Variants in RBPMS observed in about 807,000 individuals in gnomAD.
RBPMS encodes the protein RNA binding protein, mRNA processing factor.
A neutral mutation model predicts 26.8 loss-of-function variants in RBPMS; 7 were observed. The observed-to-expected ratio is 0.26, with a 90% CI of 0.15 to 0.49. RBPMS has a LOEUF of 0.49. Among genes scored for constraint, RBPMS ranks in the 20% least tolerant of loss-of-function variants. The pLI is 0.98. For synonymous variants in RBPMS, 96 were observed against 93.3 expected (o/e 1.03, Z -0.17); for missense variants, 186 against 250.0 (o/e 0.74, Z 1.73).
intron 4 of RBPMS, among the ~76,000 whole-genome samples, chr8:30,493,127 C>T (rs1031782275): frequency 3.9e-5 from 6 of 152,106 alleles, no homozygotes; most frequent in African/African-American, 9.7e-5. Context: ...TGACAGTGAC[C>T]GACATCAGAC....
At chr8:30,555,562 GGGA>G (rs1388986547) in intron 6 of RBPMS, among the ~76,000 whole-genome samples, 1 of 152,212 alleles carries the variant, frequency 6.6e-6, no homozygotes, top group Non-Finnish European at 1.5e-5. Flanking sequence ...AGAGAACTAT[GGGA>G]GAAGAGAGAG....
chr8:30,522,513 A>G (rs1235283497), intron 5 of RBPMS, among the ~76,000 whole-genome samples: 1 of 152,216 alleles, frequency 6.6e-6, no homozygotes, highest in Non-Finnish European at 1.5e-5. Context: ...TTCTCAAAAC[A>G]CAGACACACA....
At chr8:30,510,084 C>T (rs17628307) in intron 5 of RBPMS, among the ~76,000 whole-genome samples, 37,157 of 152,036 alleles carry the variant, frequency 0.24, 4,880 homozygotes, top group East Asian at 0.4. Flanking sequence ...TCAGTAGGGC[C>T]GAAAATAATA....
intron 5 of RBPMS, among the ~76,000 whole-genome samples, chr8:30,522,614 T>C (rs1823175850): frequency 6.6e-6 from 1 of 152,200 alleles, no homozygotes; most frequent in South Asian, 2.1e-4. Flanking sequence ...TTAAAAAGGA[T>C]AGGAGGAAAC....
At chr8:30,459,986 A>G (rs1315681312) in intron 1 of RBPMS, among the ~76,000 whole-genome samples, 1 of 152,206 alleles carries the variant, frequency 6.6e-6, no homozygotes, top group Non-Finnish European at 1.5e-5. Flanking sequence ...GTCTCTTTAC[A>G]TAGTTACACA....
At chr8:30,428,460 A>T (rs1227770462) in intron 1 of RBPMS, among the ~76,000 whole-genome samples, 1 of 152,166 alleles carries the variant, frequency 6.6e-6, no homozygotes, top group Non-Finnish European at 1.5e-5. Flanking sequence ...TGTCTCAAAA[A>T]AAAAAATCAG....
chr8:30,448,736 C>G (rs893525540), intron 1 of RBPMS, among the ~76,000 whole-genome samples: 1 of 152,146 alleles, frequency 6.6e-6, no homozygotes, highest in Non-Finnish European at 1.5e-5. Context: ...TTATTTTGAA[C>G]TTCAGTTTCC....
At chr8:30,419,172 G>T (rs1052074772) in intron 1 of RBPMS, among the ~76,000 whole-genome samples, 4 of 151,958 alleles carry the variant, frequency 2.6e-5, no homozygotes, top group Non-Finnish European at 5.9e-5. Flanking sequence ...ATGGCTGGGC[G>T]CAATGGCTCA....
chr8:30,539,636 T>C (rs1290282337), intron 5 of RBPMS, among the ~76,000 whole-genome samples: 1 of 151,782 alleles, frequency 6.6e-6, no homozygotes, highest in Non-Finnish European at 1.5e-5. Flanking sequence ...ATCTTTTCTT[T>C]TTTTTTTGAG....
chr8:30,434,524 A>G (rs1431395814), intron 1 of RBPMS, among the ~76,000 whole-genome samples: 2 of 151,916 alleles, frequency 1.3e-5, no homozygotes, highest in Admixed American at 1.3e-4. Flanking sequence ...GCCAAAGTGG[A>G]GAAAACTCGT....
rs564051742 is a variant in RBPMS at position 30,458,630 on chromosome 8, G to A, written c.67-16149G>A. 3.9e-5 allele frequency among the ~76,000 whole-genome samples: 6 copies of A among 152,186 alleles called. No individual in the cohort carries two copies. In the South Asian group the frequency reaches 1.2e-3, roughly 32 times the overall value. On this transcript the variant is annotated intron_variant, in intron 1 of 8. Coordinates refer to ENST00000397323, the MANE Select transcript of RBPMS (RefSeq NM_001008710.3). The stretch of plus-strand genomic sequence containing the variant: ...TGGCTGTTAGGTCAGTGTCTGTGAT[G>A]AACTGGTTGCACATCAGTAATTCTG...
At chr8:30,543,508 T>C (rs932924291) in intron 5 of RBPMS, among the ~76,000 whole-genome samples, 3 of 152,192 alleles carry the variant, frequency 2.0e-5, no homozygotes, top group African/African-American at 7.2e-5. Flanking sequence ...TTTTGCTGAC[T>C]CCCGTGTTAG....
intron 5 of RBPMS, among the ~76,000 whole-genome samples, chr8:30,536,874 A>G (rs1824859182): frequency 6.6e-6 from 1 of 151,958 alleles, no homozygotes; most frequent in African/African-American, 2.4e-5. Flanking sequence ...AGATTTTCTT[A>G]TGTTGTTCAT....
At chr8:30,547,577 T>A in intron 6 of RBPMS, 1 of 1,147,204 alleles carries the variant, frequency 8.7e-7, no homozygotes, top group East Asian at 2.6e-5. Context: ...GCAAAGGTGT[T>A]ACTCTCTGAC....
At chr8:30,570,122 A>C (rs1287546148) in intron 8 of RBPMS, among the ~76,000 whole-genome samples, 4 of 150,198 alleles carry the variant, frequency 2.7e-5, no homozygotes. Flanking sequence ...GGTCACCTAA[A>C]TATTCTCATT....
At chr8:30,416,188 A>G (rs1810047546) in intron 1 of RBPMS, among the ~76,000 whole-genome samples, 1 of 152,202 alleles carries the variant, frequency 6.6e-6, no homozygotes, top group Non-Finnish European at 1.5e-5. Context: ...TGAAGAGTAG[A>G]AAAGGCTGTC....
chr8:30,547,448 C>T (rs1252815783), intron 6 of RBPMS: 12 of 1,577,054 alleles, frequency 7.6e-6, no homozygotes, highest in Non-Finnish European at 1.0e-5. Context: ...TATTTTCCCC[C>T]CTTTCACAAA....
At chr8:30,519,010 G>GA (rs1822701284) in intron 5 of RBPMS, among the ~76,000 whole-genome samples, 2 of 152,090 alleles carry the variant, frequency 1.3e-5, no homozygotes, top group South Asian at 4.2e-4. Context: ...GAGGAAGAAG[G>GA]AGGGGCATGT....
chr8:30,549,598 A>T, intron 6 of RBPMS: 1 of 1,605,540 alleles, frequency 6.2e-7, no homozygotes, highest in Non-Finnish European at 8.5e-7. Context: ...GAGGCTTTCT[A>T]GGAGCACCTG....
Sources: gnomAD v4.1 joint callset for allele counts (sites outside exome capture counted in the v4.1 genomes callset) on GRCh38, gnomAD v4.1.1 for gene constraint, MANE v1.5 for transcripts, NCBI Gene and HGNC (gene_info 2026-07-23, HGNC 2026-07-21) for gene names.